Variants in SPHKAP observed in about 807,000 individuals in gnomAD.
SPHKAP encodes SPHK1 interactor, AKAP domain containing, also known as A-kinase anchor protein SPHKAP.
In SPHKAP, 67 loss-of-function variants were observed where a neutral mutation model predicts 137.5. The ratio of observed to expected loss-of-function variants is 0.49; its 90% CI spans 0.40 to 0.60. SPHKAP has a LOEUF of 0.60. Ranked by LOEUF, SPHKAP falls within the 20% of genes least tolerant of loss-of-function variation. The pLI is 0.00. For missense variants in SPHKAP, 2,097 were observed against 2,069.3 expected, an observed-to-expected ratio of 1.01 and a Z score of -0.26; for synonymous variants, 813 against 785.3, an observed-to-expected ratio of 1.04 and a Z score of -0.59.
In SPHKAP at chr2:228,018,969, T is replaced by G. The variant is rs548992706; in HGVS notation, c.1885A>C (p.Arg629=). 1 of 1,614,164 alleles carries G rather than the reference T, an allele frequency of 6.2e-7. No homozygotes were observed. The highest frequency in any genetic ancestry group is 8.5e-7 in the Non-Finnish European group (1 of 1,180,012). The part of the protein sequence containing the change: ...LLKEAALVLT[R]PNTYSSIGDF... ...CCAATGCTGCTGTAGGTATTAGGCC[T>G]TGTTAAAACCAGAGCAGCCTCCTTG... Residue 629 remains arginine, a synonymous_variant, in exon 7 of 12, where the codon AGG becomes CGG. Coordinates refer to ENST00000392056, the MANE Select transcript of SPHKAP (RefSeq NM_001142644.2).
intron 3 of SPHKAP, among the ~76,000 whole-genome samples, chr2:228,104,203 A>G (rs1324875184): frequency 2.7e-5 from 4 of 146,566 alleles, no homozygotes; most frequent in Admixed American, 6.9e-5. Flanking sequence ...ATTATATTAT[A>G]TATTATATAA....
intron 2 of SPHKAP, among the ~76,000 whole-genome samples, chr2:228,122,623 GCAGTCC>G (rs544541027): frequency 3.9e-5 from 6 of 152,254 alleles, no homozygotes; most frequent in African/African-American, 1.4e-4. Context: ...TGCAACACAG[GCAGTCC>G]CACCTCTCTG....
intron 7 of SPHKAP, among the ~76,000 whole-genome samples, chr2:228,006,726 T>C (rs1559342783): frequency 1.3e-5 from 2 of 152,234 alleles, no homozygotes; most frequent in Non-Finnish European, 1.5e-5. Flanking sequence ...TTGGTGTGGA[T>C]GTCTTTTCTG....
intron 3 of SPHKAP, among the ~76,000 whole-genome samples, chr2:228,029,562 C>T (rs565105890): frequency 1.3e-5 from 2 of 152,040 alleles, no homozygotes; most frequent in South Asian, 4.2e-4. Flanking sequence ...CATGAAAGGA[C>T]CCACACTCCC....
intron 11 of SPHKAP, among the ~76,000 whole-genome samples, chr2:227,990,479 G>A (rs1693373231): frequency 1.3e-5 from 2 of 152,140 alleles, no homozygotes; most frequent in Non-Finnish European, 2.9e-5. Flanking sequence ...TAGAGTGATA[G>A]TTACTATTAA....
intron 1 of SPHKAP, among the ~76,000 whole-genome samples, chr2:228,149,853 C>T (rs1412695130): frequency 6.6e-6 from 1 of 151,608 alleles, no homozygotes; most frequent in Non-Finnish European, 1.5e-5. Flanking sequence ...TTTTTATTTT[C>T]TATGTACACA....
intron 3 of SPHKAP, among the ~76,000 whole-genome samples, chr2:228,078,835 T>C (rs576347500): frequency 2.0e-5 from 3 of 152,080 alleles, no homozygotes; most frequent in African/African-American, 7.2e-5. Context: ...AGCACCAGCC[T>C]TTGCCTCAGA....
At chr2:228,093,224 C>T (rs1697862674) in intron 3 of SPHKAP, among the ~76,000 whole-genome samples, 1 of 152,170 alleles carries the variant, frequency 6.6e-6, no homozygotes, top group Non-Finnish European at 1.5e-5. Flanking sequence ...TTGGCAGTTC[C>T]TCAGGCAGTT....
At chr2:228,055,972 G>T (rs1696425676) in intron 3 of SPHKAP, among the ~76,000 whole-genome samples, 1 of 152,154 alleles carries the variant, frequency 6.6e-6, no homozygotes, top group South Asian at 2.1e-4. Context: ...CTATCAGGAT[G>T]GATTTTTGTG....
chr2:228,150,807 G>C (rs934376796), intron 1 of SPHKAP, among the ~76,000 whole-genome samples: 3 of 151,876 alleles, frequency 2.0e-5, no homozygotes, highest in Non-Finnish European at 2.9e-5. Flanking sequence ...CTGGAGTGCA[G>C]TGGTGCCATC....
intron 7 of SPHKAP, among the ~76,000 whole-genome samples, chr2:228,001,423 A>G (rs569490924): frequency 7.1e-6 from 1 of 140,968 alleles, no homozygotes; most frequent in South Asian, 2.2e-4. Flanking sequence ...ATATAAATAT[A>G]TACATATATA....
chr2:228,180,277 T>C (rs541907297), intron 1 of SPHKAP, among the ~76,000 whole-genome samples: 1 of 152,268 alleles, frequency 6.6e-6, no homozygotes, highest in East Asian at 1.9e-4. Flanking sequence ...GAAGTGCCTG[T>C]GGAGCTGAGA....
At position 228,065,575 on chromosome 2, in the gene SPHKAP, T is replaced by G. The variant is rs530546365; in HGVS notation, c.247-38032A>C. On this transcript the variant is annotated intron_variant, in intron 3 of 11. Coordinates refer to ENST00000392056, the MANE Select transcript of SPHKAP (RefSeq NM_001142644.2). ...CTCTAAAAGAAGAAATGGGTTCAAA[T>G]TCTATTTTTGACAGTCATTTTCTAG... Among the ~76,000 whole-genome samples the G allele has an allele frequency of 1.1e-3, 165 of 152,278 alleles. 1 individual carries two copies. The highest frequency in any genetic ancestry group is 3.7e-3 in the African/African-American group (153 of 41,558).
intron 1 of SPHKAP, among the ~76,000 whole-genome samples, chr2:228,142,965 A>AT (rs1370676809): frequency 6.6e-6 from 1 of 152,188 alleles, no homozygotes; most frequent in Non-Finnish European, 1.5e-5. Flanking sequence ...GTGCATGCCT[A>AT]TTAGTCAGCC....
intron 3 of SPHKAP, among the ~76,000 whole-genome samples, chr2:228,075,825 T>C (rs1697162658): frequency 6.6e-6 from 1 of 152,250 alleles, no homozygotes; most frequent in Non-Finnish European, 1.5e-5. Context: ...AATAGGAGGA[T>C]ATATACAAAA....
At chr2:228,100,842 A>C (rs1698163798) in intron 3 of SPHKAP, among the ~76,000 whole-genome samples, 1 of 152,104 alleles carries the variant, frequency 6.6e-6, no homozygotes, top group South Asian at 2.1e-4. Flanking sequence ...TTTTGGTATC[A>C]CAGTGATGCT....
intron 7 of SPHKAP, among the ~76,000 whole-genome samples, chr2:228,003,208 G>A (rs1049127286): frequency 1.3e-5 from 2 of 152,194 alleles, no homozygotes; most frequent in African/African-American, 4.8e-5. Flanking sequence ...AGCATGGAAT[G>A]TTCTTCCATT....
intron 1 of SPHKAP, chr2:228,132,586 G>A (rs1699287774): frequency 5.9e-6 from 4 of 674,766 alleles, no homozygotes; most frequent in Non-Finnish European, 7.3e-6. Context: ...TCCTGCGGCT[G>A]GAGATAGCTC....
intron 1 of SPHKAP, among the ~76,000 whole-genome samples, chr2:228,178,138 T>C (rs532785086): frequency 6.6e-6 from 1 of 152,294 alleles, no homozygotes; most frequent in South Asian, 2.1e-4. Context: ...TTTGTCCAAA[T>C]TGTGTACCAG....
Sources: gnomAD v4.1 joint callset for allele counts (sites outside exome capture counted in the v4.1 genomes callset) on GRCh38, gnomAD v4.1.1 for gene constraint, MANE v1.5 for transcripts, NCBI Gene and HGNC (gene_info 2026-07-23, HGNC 2026-07-21) for gene names.